Variants in DMD observed in about 807,000 individuals in gnomAD.
DMD encodes the protein mutant dystrophin.
DMD carries 63 observed loss-of-function variants against 330.1 expected under a neutral mutation model. The ratio of observed to expected loss-of-function variants is 0.19; its 90% CI spans 0.16 to 0.24. DMD has a LOEUF of 0.24. Among genes scored for constraint, DMD ranks in the 10% least tolerant of loss-of-function variants. The probability of loss-of-function intolerance (pLI) is 1.00; values close to 1 mark genes in which losing one functional copy is unlikely to be tolerated. For synonymous variants in DMD, 1,223 were observed against 959.8 expected (o/e 1.27, Z -5.07); for missense variants, 3,344 against 2,684.1 (o/e 1.25, Z -5.43).
intron 54 of DMD, among the ~76,000 whole-genome samples, chrX:31,648,527 C>G (rs763654349): frequency 1.0e-5 from 1 of 96,691 alleles, no homozygotes; most frequent in Non-Finnish European, 2.0e-5. Flanking sequence ...TCTATAAACA[C>G]TCGGTATAAG....
intron 78 of DMD, among the ~76,000 whole-genome samples, chrX:31,122,752 C>CACAATAGCCTTTTACTAAT (rs1487978499): frequency 9.0e-6 from 1 of 111,596 alleles, no homozygotes; most frequent in African/African-American, 3.3e-5. Context: ...GGTTAACTAT[C>CACAATAGCCTTTTACTAAT]ACAATAGCCT....
intron 11 of DMD, among the ~76,000 whole-genome samples, chrX:32,639,970 T>G (rs761668922): frequency 1.5e-3 from 167 of 110,254 alleles, no homozygotes; most frequent in Non-Finnish European, 2.8e-3. Flanking sequence ...GAGGCCAAGG[T>G]GGGAGAGGAT....
At chrX:31,293,285 T>G (rs2053914771) in intron 62 of DMD, among the ~76,000 whole-genome samples, 1 of 106,009 alleles carries the variant, frequency 9.4e-6, no homozygotes, top group Non-Finnish European at 1.9e-5. Context: ...TTATTTACTG[T>G]CCTAGATGGC....
rs2097023138 is a variant in DMD, at chrX:32,199,622, TC to T, written c.6438+17293del. 3.7e-5 allele frequency among the ~76,000 whole-genome samples: 4 copies of T among 109,086 alleles called. No individual in the cohort carries two copies. The South Asian group carries it at 1.6e-3, about 44-fold the overall frequency. 94.7% of individuals were successfully genotyped at this position (109,086 alleles called of 115,157 possible). A position where few individuals can be genotyped will look rare whatever the true frequency, so the allele number is the denominator to read the frequency against. Reference sequence around the variant, plus strand: ...AGGAGTGCCTATACTTTCTTTCTTTTCTTTTTTTTTTGAGACAGTCTTACTC... The same window carrying T: ...AGGAGTGCCTATACTTTCTTTCTTTTTTTTTTTTTTGAGACAGTCTTACTC... On this transcript the variant is annotated intron_variant, in intron 44 of 78. Coordinates refer to ENST00000357033, the MANE Select transcript of DMD (RefSeq NM_004006.3).
intron 52 of DMD, among the ~76,000 whole-genome samples, chrX:31,700,960 A>C (rs2083765951): frequency 8.9e-6 from 1 of 112,011 alleles, no homozygotes; most frequent in South Asian, 3.7e-4. Flanking sequence ...TTAACTAATT[A>C]AGTGCCAAAT....
chrX:32,896,969 G>A (rs2085779573), intron 2 of DMD, among the ~76,000 whole-genome samples: 1 of 111,989 alleles, frequency 8.9e-6, no homozygotes, highest in African/African-American at 3.2e-5. Flanking sequence ...TTCTTTTGAG[G>A]GTTTTCACAT....
chrX:31,679,707 G>A (rs763995250), intron 52 of DMD, 121 bp from the exon 53 acceptor site: 28 of 604,158 alleles, frequency 4.6e-5, no homozygotes, highest in Non-Finnish European at 7.1e-5. Context: ...TATTCATTGT[G>A]TTATGGCTAG....
At chrX:32,491,936 T>C (rs2043036199) in intron 19 of DMD, among the ~76,000 whole-genome samples, 1 of 112,181 alleles carries the variant, frequency 8.9e-6, no homozygotes, top group Non-Finnish European at 1.9e-5. Flanking sequence ...CTTACATTTT[T>C]AATTTTAAAA....
intron 1 of DMD, among the ~76,000 whole-genome samples, chrX:33,177,375 T>G (rs2049724391): frequency 9.0e-6 from 1 of 110,933 alleles, no homozygotes; most frequent in Non-Finnish European, 1.9e-5. Flanking sequence ...ACGGAAATTT[T>G]ATTTTATTTT....
At chrX:32,370,737 T>A (rs2097873004) in intron 34 of DMD, among the ~76,000 whole-genome samples, 1 of 110,836 alleles carries the variant, frequency 9.0e-6, no homozygotes, top group Non-Finnish European at 1.9e-5. Flanking sequence ...ATAACAGACT[T>A]TAGAGTAAGT....
chrX:31,620,043 T>C (rs2078437192), intron 55 of DMD, among the ~76,000 whole-genome samples: 1 of 112,234 alleles, frequency 8.9e-6, no homozygotes, highest in Non-Finnish European at 1.9e-5. Flanking sequence ...ATTTTCATTA[T>C]TTCATTTCGG....
At chrX:32,515,957 G>T (rs1320813753) in intron 18 of DMD, among the ~76,000 whole-genome samples, 1 of 111,266 alleles carries the variant, frequency 9.0e-6, no homozygotes, top group Non-Finnish European at 1.9e-5. Context: ...AGGTTTAAAA[G>T]TTGCATTTTT....
chrX:32,644,425 C>G (rs763349633), intron 10 of DMD, 112 bp from the exon 11 acceptor site: 10 of 802,331 alleles, frequency 1.2e-5, no homozygotes, highest in Non-Finnish European at 1.8e-5. Context: ...ATTTATATTC[C>G]CAGTAAAAGG....
chrX:31,883,159 C>T (rs2094101945), intron 47 of DMD, among the ~76,000 whole-genome samples: 1 of 111,554 alleles, frequency 9.0e-6, no homozygotes, highest in Non-Finnish European at 1.9e-5. Flanking sequence ...ATGGCACAGG[C>T]AATAGCATAG....
chrX:32,083,092 T>G (rs192040687), intron 44 of DMD, among the ~76,000 whole-genome samples: 27 of 111,738 alleles, frequency 2.4e-4, no homozygotes, highest in African/African-American at 8.5e-4. Flanking sequence ...CTACATGTAT[T>G]TGACCTCAGA....
At chrX:32,129,148 C>T (rs2096675851) in intron 44 of DMD, among the ~76,000 whole-genome samples, 1 of 111,566 alleles carries the variant, frequency 9.0e-6, no homozygotes, top group South Asian at 3.7e-4. Flanking sequence ...AATATATCAG[C>T]TAAAATTTTG....
At chrX:31,417,690 TC>T (rs1417077135) in intron 60 of DMD, among the ~76,000 whole-genome samples, 1 of 109,288 alleles carries the variant, frequency 9.2e-6, no homozygotes, top group African/African-American at 3.3e-5. Flanking sequence ...TATTATCACT[TC>T]TTTTTTTTTT....
intron 7 of DMD, among the ~76,000 whole-genome samples, chrX:32,785,145 G>A (rs1206965690): frequency 9.2e-6 from 1 of 108,747 alleles, no homozygotes; most frequent in Non-Finnish European, 1.9e-5. Context: ...TCAACCCATT[G>A]GAAAAAATCT....
rs375306532 is a variant in DMD at position 32,977,175 on chromosome X, C to T, written c.93+42964G>A. Among the ~76,000 whole-genome samples, 13 of 110,240 alleles carry T rather than the reference C, an allele frequency of 1.2e-4. No individual in the cohort carries two copies. In the East Asian group the frequency reaches 3.4e-3, roughly 29 times the overall value. ...ATTAACCGGGCATGGTGGCACACCCCTATAGTCCCAGCTGCTCAGGAGGTT... is the reference window on the plus strand; with the variant it reads ...ATTAACCGGGCATGGTGGCACACCCTTATAGTCCCAGCTGCTCAGGAGGTT... On this transcript the variant is annotated intron_variant, in intron 2 of 78. Transcript: ENST00000357033.
Sources: allele counts gnomAD v4.1 joint callset (sites outside exome capture counted in the v4.1 genomes callset), GRCh38; gene constraint gnomAD v4.1.1; transcripts MANE v1.5; gene names NCBI Gene and HGNC (gene_info 2026-07-23, HGNC 2026-07-21).